The following RASL12 variants were observed in gnomAD, a reference collection of about 807,000 sequenced individuals.
RASL12 encodes the protein ras-like protein family member 12.
Under a neutral mutation model 22.9 loss-of-function variants are expected in RASL12, and 16 were observed. The ratio of observed to expected loss-of-function variants is 0.70; its 90% CI spans 0.47 to 1.06. The LOEUF is 1.06. RASL12 is among the 50% of genes least tolerant of loss of function. RASL12 has a pLI of 0.00. For missense variants in RASL12, 306 were observed against 353.1 expected (o/e 0.87, Z 1.07); for synonymous variants, 159 against 152.2 (o/e 1.04, Z -0.33).
At chr15:65,072,677 A>C (rs930615058), upstream of RASL12, among the ~76,000 whole-genome samples, 1 of 152,126 alleles carries the variant, frequency 6.6e-6, no homozygotes, top group African/African-American at 2.4e-5. Context: ...CACCTAGAAA[A>C]GTTCTGTGTA....
intron 1 of RASL12, among the ~76,000 whole-genome samples, chr15:65,073,687 TG>T (rs1301202456): frequency 1.6e-4 from 24 of 152,216 alleles, no homozygotes; most frequent in Admixed American, 6.5e-5. Context: ...TGCCACTCTC[TG>T]GCTATGTGAC....
In RASL12 at chr15:65,055,030, G is replaced by C; in HGVS notation, c.670C>G (p.Leu224Val). The C allele has an allele frequency of 1.2e-6, 2 of 1,613,890 alleles. No homozygotes were observed. The highest frequency in any genetic ancestry group is 3.3e-5 in the Admixed American group (2 of 59,986). ...ATCTCCTTCAGGTTGATGGTGGAGA[G>C]CGTGTTGAAGGTGCAGCTGGCCAGC... ...HGLASCTFNT[L>V]STINLKEMPT... Residue 224 changes from leucine to valine, a missense_variant, in exon 5 of 5, where the codon CTC (leucine) becomes GTC (valine). By Grantham distance (32) the Leu-to-Val change is conservative. Transcript: ENST00000220062.
chr15:65,052,579 T>C (rs563068319), downstream of RASL12, among the ~76,000 whole-genome samples: 3 of 152,164 alleles, frequency 2.0e-5, no homozygotes, highest in South Asian at 6.2e-4. Flanking sequence ...GTATTTTTAG[T>C]AGAGATGGGG....
chr15:65,066,020 A>AAGAGAAGAGAAGAGTAGAG (rs2086872983), intron 1 of RASL12, among the ~76,000 whole-genome samples: 1 of 97,118 alleles, frequency 1.0e-5, no homozygotes, highest in Non-Finnish European at 2.6e-5. Flanking sequence ...AAAGAAAAGA[A>AAGAGAAGAGAAGAGTAGAG]AAGAGAAGAG....
At chr15:65,061,067 G>A (rs1474468027) in intron 2 of RASL12, among the ~76,000 whole-genome samples, 1 of 152,186 alleles carries the variant, frequency 6.6e-6, no homozygotes, top group Non-Finnish European at 1.5e-5. Flanking sequence ...CCCCTTTTAG[G>A]AGTTCCCCTC....
At chr15:65,066,541 TC>T (rs2086881517) in intron 1 of RASL12, among the ~76,000 whole-genome samples, 1 of 151,902 alleles carries the variant, frequency 6.6e-6, no homozygotes, top group African/African-American at 2.4e-5. Flanking sequence ...GTGAATAAAA[TC>T]CTTAAAATTC....
chr15:65,050,018 A>T, downstream of RASL12: 2 of 1,551,350 alleles, frequency 1.3e-6, no homozygotes, highest in South Asian at 2.4e-5. Flanking sequence ...GAGCACAGTG[A>T]GGGGGCTCCC....
chr15:65,050,052 A>G (rs2140506363), downstream of RASL12: 1 of 1,551,800 alleles, frequency 6.4e-7, no homozygotes. Flanking sequence ...GTACTGTGGT[A>G]CCCCAGGAGC....
At chr15:65,046,162 G>A in the RASL12 span, among the ~76,000 whole-genome samples, 1 of 152,208 alleles carries the variant, frequency 6.6e-6, no homozygotes, top group African/African-American at 2.4e-5. Flanking sequence ...TTAGCTGGAT[G>A]TGGTGGCGGG....
chr15:65,063,868 G>A (rs1200730350), intron 2 of RASL12, among the ~76,000 whole-genome samples: 1 of 152,222 alleles, frequency 6.6e-6, no homozygotes. Flanking sequence ...CCCTCCAGGT[G>A]CGGCAGGAGC....
the RASL12 span, among the ~76,000 whole-genome samples, chr15:65,045,968 C>G: frequency 6.6e-6 from 1 of 152,148 alleles, no homozygotes; most frequent in African/African-American, 2.4e-5. Context: ...GAGTTCGAGA[C>G]CACCCCGGCT....
chr15:65,051,665 C>CA, downstream of RASL12: 1 of 1,527,242 alleles, frequency 6.5e-7, no homozygotes, highest in Admixed American at 1.7e-5. Flanking sequence ...CCTGCCTTCC[C>CA]AGAGGGAAAT....
At chr15:65,050,368 C>T (rs1266028781), downstream of RASL12, among the ~76,000 whole-genome samples, 2 of 152,214 alleles carry the variant, frequency 1.3e-5, no homozygotes, top group Non-Finnish European at 2.9e-5. Flanking sequence ...GTTCTCAGCA[C>T]TGGGGCGACA....
chr15:65,064,418 C>T (rs1033119864), intron 2 of RASL12, among the ~76,000 whole-genome samples: 5 of 152,206 alleles, frequency 3.3e-5, no homozygotes, highest in South Asian at 2.1e-4. Flanking sequence ...TGACTGACAC[C>T]GAAACGTTCC....
chr15:65,053,326 G>T, downstream of RASL12: 2 of 1,417,344 alleles, frequency 1.4e-6, no homozygotes, highest in Admixed American at 3.0e-5. Context: ...TGAACTGCAA[G>T]CAAACTAAAA....
chr15:65,054,974 G>C lies in RASL12; in HGVS notation c.726C>G (p.Thr242=). Residue 242 remains threonine, a synonymous_variant, in exon 5 of 5, where the codon ACC becomes ACG. Coordinates refer to ENST00000220062, the MANE Select transcript of RASL12 (RefSeq NM_016563.4). ...TGCTCTGGGCCCGGGATGACTTCAC[G>C]GTGACCAGCTTGGCCTGGGCCACAG... ...MPTVAQAKLV[T]VKSSRAQSKR... 6.2e-7 allele frequency: 1 copy of C among 1,614,190 alleles called. No homozygotes were observed. The highest frequency in any genetic ancestry group is 8.5e-7 in the Non-Finnish European group (1 of 1,180,032).
intron 1 of RASL12, among the ~76,000 whole-genome samples, chr15:65,076,101 A>C (rs1393944843): frequency 3.3e-5 from 5 of 152,250 alleles, no homozygotes; most frequent in Non-Finnish European, 7.3e-5. Context: ...AAAACAGGCC[A>C]CTTGGCTCTA....
intron 2 of RASL12, among the ~76,000 whole-genome samples, chr15:65,063,493 G>C (rs961635664): frequency 5.3e-5 from 8 of 152,194 alleles, no homozygotes; most frequent in African/African-American, 1.2e-4. Context: ...GCTAATCAAA[G>C]GGCCTCCTCT....
upstream of RASL12, among the ~76,000 whole-genome samples, chr15:65,069,670 C>T (rs897118857): frequency 1.3e-5 from 2 of 152,194 alleles, no homozygotes; most frequent in African/African-American, 4.8e-5. Context: ...CTGTAACCAT[C>T]TGACTGTCCA....
Sources: allele counts gnomAD v4.1 joint callset (sites outside exome capture counted in the v4.1 genomes callset), GRCh38; gene constraint gnomAD v4.1.1; transcripts MANE v1.5; gene names NCBI Gene and HGNC (gene_info 2026-07-23, HGNC 2026-07-21).